Variants in GLIS3 observed in about 807,000 individuals in gnomAD.
GLIS3 encodes the protein zinc finger protein GLIS3.
GLIS3 carries 53 observed loss-of-function variants against 78.6 expected under a neutral mutation model. That is an observed-to-expected ratio of 0.67 (90% CI 0.54 to 0.85). The LOEUF (loss-of-function observed/expected upper bound fraction) is 0.85, where lower values mean the gene tolerates loss of function less well. GLIS3 is among the 40% of genes least tolerant of loss of function. GLIS3 has a pLI of 0.00. For synonymous variants in GLIS3, 684 were observed against 509.9 expected (o/e 1.34, Z -4.60); for missense variants, 1,703 against 1,231.1 (o/e 1.38, Z -5.74).
the GLIS3 span, among the ~76,000 whole-genome samples, chr9:4,394,549 T>C: frequency 6.6e-6 from 1 of 152,138 alleles, no homozygotes. Flanking sequence ...TGTGTATTGT[T>C]GAGTGGGTGG....
At chr9:4,371,846 G>A in the GLIS3 span, among the ~76,000 whole-genome samples, 1 of 152,232 alleles carries the variant, frequency 6.6e-6, no homozygotes. Flanking sequence ...TTCAAAGATA[G>A]AGGCCACTTC....
intron 6 of GLIS3, among the ~76,000 whole-genome samples, chr9:3,906,883 A>G (rs1823739728): frequency 6.6e-6 from 1 of 152,154 alleles, no homozygotes; most frequent in East Asian, 1.9e-4. Context: ...AGCCTATCTC[A>G]CTGTCTGCAA....
intron 2 of GLIS3, among the ~76,000 whole-genome samples, chr9:4,236,249 A>G (rs1421472803): frequency 6.7e-6 from 1 of 149,790 alleles, no homozygotes; most frequent in East Asian, 2.0e-4. Context: ...ACTAGAGAAG[A>G]GGGGAAACCT....
chr9:4,219,774 A>C (rs946130967), intron 2 of GLIS3, among the ~76,000 whole-genome samples: 1 of 152,184 alleles, frequency 6.6e-6, no homozygotes, highest in Non-Finnish European at 1.5e-5. Flanking sequence ...TATCGGCAGC[A>C]CGTGCAGCAG....
At chr9:4,053,774 C>T (rs1043328876) in intron 4 of GLIS3, among the ~76,000 whole-genome samples, 1 of 147,768 alleles carries the variant, frequency 6.8e-6, no homozygotes, top group Non-Finnish European at 1.5e-5. Context: ...GGAATATGGC[C>T]CCAGAGGCCA....
At chr9:4,225,044 G>C (rs1821651003) in intron 2 of GLIS3, among the ~76,000 whole-genome samples, 1 of 151,052 alleles carries the variant, frequency 6.6e-6, no homozygotes, top group Admixed American at 6.6e-5. Flanking sequence ...AATCTCATTT[G>C]ACTTGCACAA....
At chr9:4,351,858 A>G (rs116348435), upstream of GLIS3, among the ~76,000 whole-genome samples, 2 of 151,096 alleles carry the variant, frequency 1.3e-5, no homozygotes, top group Non-Finnish European at 2.9e-5. Flanking sequence ...ATGAATGCAC[A>G]GTTTTCTTAA....
chr9:4,223,233 C>A (rs1821484888), intron 2 of GLIS3, among the ~76,000 whole-genome samples: 1 of 152,174 alleles, frequency 6.6e-6, no homozygotes, highest in Admixed American at 6.5e-5. Context: ...CAGCACATTG[C>A]CACATACCTT....
At chr9:3,948,373 T>A (rs746289624) in intron 4 of GLIS3, among the ~76,000 whole-genome samples, 62 of 152,216 alleles carry the variant, frequency 4.1e-4, no homozygotes, top group African/African-American at 1.5e-3. Context: ...TGTTCACTCA[T>A]GGCTAAGAAA....
chr9:4,048,456 T>C (rs983272557), intron 4 of GLIS3, among the ~76,000 whole-genome samples: 1 of 152,130 alleles, frequency 6.6e-6, no homozygotes, highest in African/African-American at 2.4e-5. Context: ...TGGCTCAGTA[T>C]GTGCATAATA....
chr9:3,964,032 A>G (rs1817752754), intron 4 of GLIS3, among the ~76,000 whole-genome samples: 1 of 152,182 alleles, frequency 6.6e-6, no homozygotes, highest in Non-Finnish European at 1.5e-5. Flanking sequence ...GTCCCCGCAC[A>G]CTAACTGGTA....
At chr9:4,002,990 G>C (rs546306900) in intron 4 of GLIS3, among the ~76,000 whole-genome samples, 1 of 152,312 alleles carries the variant, frequency 6.6e-6, no homozygotes, top group East Asian at 1.9e-4. Context: ...GAAACATCCG[G>C]TTTTGTGAGA....
chr9:4,146,176 A>T (rs1485048635), intron 2 of GLIS3, among the ~76,000 whole-genome samples: 2 of 152,178 alleles, frequency 1.3e-5, no homozygotes, highest in Non-Finnish European at 2.9e-5. Context: ...AGGAAAGTGC[A>T]CTTTCATGAA....
At chr9:4,127,393 T>C (rs1832652574) in intron 2 of GLIS3, among the ~76,000 whole-genome samples, 1 of 152,350 alleles carries the variant, frequency 6.6e-6, no homozygotes, top group Non-Finnish European at 1.5e-5. Context: ...CTTTCCCAGA[T>C]ACATAAACCA....
At position 4,103,088 on chromosome 9, in the gene GLIS3, T is replaced by C. The variant is rs150266827; in HGVS notation, c.1710+14680A>G. 2.0e-5 allele frequency among the ~76,000 whole-genome samples: 3 copies of C among 152,226 alleles called. No individual in the cohort carries two copies. In the East Asian group the frequency reaches 5.8e-4, roughly 29 times the overall value. On this transcript the variant is annotated intron_variant, in intron 4 of 10. Coordinates refer to ENST00000381971, the MANE Select transcript of GLIS3 (RefSeq NM_001042413.2). ...AGTTTTATTGCCATAGACATGAACA[T>C]CATAAAATTTTCCAAAAGCTAAAAC...
intron 2 of GLIS3, among the ~76,000 whole-genome samples, chr9:4,159,803 C>A (rs757636249): frequency 1.3e-5 from 2 of 152,134 alleles, no homozygotes; most frequent in African/African-American, 2.4e-5. Flanking sequence ...CCACAGATCT[C>A]TCTTGTGACC....
rs188442216 is a variant in GLIS3 at position 3,879,394 on chromosome 9, C to T, written c.2297+33G>A. On this transcript the variant is annotated intron_variant, in intron 8 of 10. Coordinates refer to ENST00000381971, the MANE Select transcript of GLIS3 (RefSeq NM_001042413.2). ...TCTGTGAAGGGAGGTTTGGCGGCGA[C>T]ACCTATTAGGAGAGAGAGACAGATG... 3.0e-4 allele frequency: 481 copies of T among 1,609,610 alleles called. 2 individuals carry two copies. The African/African-American group carries it at 5.6e-3, about 19-fold the overall frequency.
chr9:3,957,417 G>A (rs1817199707), intron 4 of GLIS3, among the ~76,000 whole-genome samples: 1 of 152,236 alleles, frequency 6.6e-6, no homozygotes. Context: ...AAGGCACTGA[G>A]CCTGCGTGTG....
chr9:4,391,242 G>C, the GLIS3 span, among the ~76,000 whole-genome samples: 4 of 152,148 alleles, frequency 2.6e-5, no homozygotes, highest in African/African-American at 7.2e-5. Context: ...GGGGACATGG[G>C]GGGTACCTCA....
Sources: allele counts gnomAD v4.1 joint callset (sites outside exome capture counted in the v4.1 genomes callset), GRCh38; gene constraint gnomAD v4.1.1; transcripts MANE v1.5; gene names NCBI Gene and HGNC (gene_info 2026-07-23, HGNC 2026-07-21).